EPHB1: variants seen among roughly 807,000 people sequenced by gnomAD.
The protein encoded by EPHB1 is EPH receptor B1, also known as ephrin type-B receptor 1.
In EPHB1, 30 loss-of-function variants were observed where a neutral mutation model predicts 94.4. The observed-to-expected ratio is 0.32, with a 90% CI of 0.24 to 0.43. The LOEUF is 0.43. EPHB1 is among the 20% of genes least tolerant of loss of function. The pLI is 1.00. For missense variants in EPHB1, 1,055 were observed against 1,308.3 expected, an observed-to-expected ratio of 0.81 and a Z score of 2.99; for synonymous variants, 522 against 489.1, an observed-to-expected ratio of 1.07 and a Z score of -0.89.
chr3:134,900,131 G>A (rs1279263226), intron 1 of EPHB1, among the ~76,000 whole-genome samples: 5 of 152,274 alleles, frequency 3.3e-5, no homozygotes, highest in Admixed American at 1.3e-4. Context: ...CTATAGAAAT[G>A]TGACAATAGG....
intron 1 of EPHB1, among the ~76,000 whole-genome samples, chr3:134,916,177 G>T (rs112914561): frequency 1.1e-4 from 16 of 151,788 alleles, no homozygotes; most frequent in African/African-American, 3.6e-4. Flanking sequence ...GTGCTGATTG[G>T]TGTGTTTACA....
At chr3:135,112,944 C>G (rs895179873) in intron 4 of EPHB1, among the ~76,000 whole-genome samples, 3 of 152,190 alleles carry the variant, frequency 2.0e-5, no homozygotes, top group African/African-American at 7.2e-5. Context: ...TTACCCATCG[C>G]TGACCAGGGC....
At chr3:134,901,725 GGGGTGGAACTGA>G (rs2038208123) in intron 1 of EPHB1, among the ~76,000 whole-genome samples, 1 of 152,216 alleles carries the variant, frequency 6.6e-6, no homozygotes, top group African/African-American at 2.4e-5. Context: ...AGAGAGGATG[GGGGTGGAACTGA>G]GGGCAATTCT....
chr3:135,101,393 C>T (rs759115385), intron 3 of EPHB1, among the ~76,000 whole-genome samples: 66 of 150,268 alleles, frequency 4.4e-4, no homozygotes, highest in Non-Finnish European at 7.2e-4. Flanking sequence ...TTTTTTAATG[C>T]GACACAGTCT....
intron 3 of EPHB1, among the ~76,000 whole-genome samples, chr3:135,000,410 G>A (rs1935135919): frequency 6.6e-6 from 1 of 152,206 alleles, no homozygotes; most frequent in Non-Finnish European, 1.5e-5. Flanking sequence ...ATTCCATGGG[G>A]GAAATAGTCC....
intron 3 of EPHB1, among the ~76,000 whole-genome samples, chr3:135,039,033 G>A (rs4955465): frequency 0.23 from 35,397 of 151,890 alleles, 5,634 homozygotes; most frequent in East Asian, 0.73. Flanking sequence ...ACAGAGTTTC[G>A]ACACACAGGT....
intron 1 of EPHB1, among the ~76,000 whole-genome samples, chr3:134,883,591 T>C (rs2037805442): frequency 6.6e-6 from 1 of 152,236 alleles, no homozygotes; most frequent in Admixed American, 6.5e-5. Context: ...AAGTTGTGTT[T>C]TTTTGAAGGA....
At chr3:135,059,707 T>C (rs1937440979) in intron 3 of EPHB1, among the ~76,000 whole-genome samples, 1 of 152,200 alleles carries the variant, frequency 6.6e-6, no homozygotes. Flanking sequence ...CACAACAAAG[T>C]ATACATTTCA....
chr3:134,924,246 G>C (rs956017572), intron 1 of EPHB1, among the ~76,000 whole-genome samples: 2 of 152,032 alleles, frequency 1.3e-5, no homozygotes, highest in African/African-American at 4.8e-5. Flanking sequence ...TAATAAATTG[G>C]ACTTCATCAA....
At chr3:135,117,981 C>T (rs187309996) in intron 4 of EPHB1, among the ~76,000 whole-genome samples, 22 of 152,292 alleles carry the variant, frequency 1.4e-4, no homozygotes, top group Non-Finnish European at 2.4e-4. Context: ...AGTGGGAACC[C>T]ATGGTCACTG....
chr3:135,122,950 C>T (rs1409374905), intron 4 of EPHB1, among the ~76,000 whole-genome samples: 1 of 152,208 alleles, frequency 6.6e-6, no homozygotes, highest in East Asian at 1.9e-4. Context: ...CGTGCAGACT[C>T]GCTTAGCATA....
chr3:134,858,966 A>G (rs2037185761), intron 1 of EPHB1, among the ~76,000 whole-genome samples: 1 of 152,200 alleles, frequency 6.6e-6, no homozygotes, highest in Non-Finnish European at 1.5e-5. Context: ...ACATATGGGG[A>G]AAACTGCTTA....
chr3:134,869,954 G>A (rs2037464749), intron 1 of EPHB1, among the ~76,000 whole-genome samples: 2 of 152,280 alleles, frequency 1.3e-5, no homozygotes, highest in South Asian at 4.2e-4. Flanking sequence ...TTAACTCATG[G>A]GGCACACATG....
At chr3:135,146,457 C>T (rs766743132) in intron 5 of EPHB1, among the ~76,000 whole-genome samples, 23 of 152,198 alleles carry the variant, frequency 1.5e-4, no homozygotes, top group Non-Finnish European at 3.2e-4. Context: ...GTGGCAGGGC[C>T]ATGGGAGCAT....
chr3:135,252,650 A>G (rs916322483), intron 15 of EPHB1, among the ~76,000 whole-genome samples: 13 of 145,186 alleles, frequency 9.0e-5, no homozygotes, highest in African/African-American at 1.2e-4. Context: ...AGTCTTTGCT[A>G]TTGTGAATAA....
At chr3:134,834,692 C>T (rs1486769784) in intron 1 of EPHB1, among the ~76,000 whole-genome samples, 3 of 152,114 alleles carry the variant, frequency 2.0e-5, no homozygotes, top group African/African-American at 7.2e-5. Context: ...GCTTGTAATC[C>T]ATAAGTTGAG....
intron 3 of EPHB1, among the ~76,000 whole-genome samples, chr3:135,103,763 G>T (rs1939109427): frequency 6.6e-6 from 1 of 152,048 alleles, no homozygotes; most frequent in African/African-American, 2.4e-5. Flanking sequence ...CCCCCTCCTG[G>T]AACCTCTCTC....
chr3:135,203,985 CTTTTTTAATTTTTAATTTTAA>C (rs1457977878), intron 12 of EPHB1, among the ~76,000 whole-genome samples: 1 of 151,972 alleles, frequency 6.6e-6, no homozygotes, highest in Non-Finnish European at 1.5e-5. Context: ...CATATGTCTA[CTTTTTTAATTTTTAATTTTAA>C]TTTTTTGATT....
rs1038450037 is a variant in EPHB1, at chr3:135,004,654, G to A, written c.805+52602G>A. Among the ~76,000 whole-genome samples the A allele has an allele frequency of 2.2e-3, 330 of 151,454 alleles. 1 individual carries two copies. Among genetic ancestry groups the A allele is most frequent in the African/African-American group, 4.6e-3 (188 of 41,204 alleles). ...CCCATATTTCTTGGAGGCTTTGCTC[G>A]TTTCTTTTTATTCTTTTTTCTCTAA... On this transcript the variant is annotated intron_variant, in intron 3 of 15. Transcript: ENST00000398015.
Sources: allele counts gnomAD v4.1 joint callset (sites outside exome capture counted in the v4.1 genomes callset), GRCh38; gene constraint gnomAD v4.1.1; transcripts MANE v1.5; gene names NCBI Gene and HGNC (gene_info 2026-07-23, HGNC 2026-07-21).